The following MLEC variants were observed in gnomAD, a reference collection of about 807,000 sequenced individuals.
The protein encoded by MLEC is malectin, also known as oligosaccharyltransferase complex subunit (non-catalytic).
In MLEC, 7 loss-of-function variants were observed where a neutral mutation model predicts 28.7. The observed-to-expected ratio is 0.24, with a 90% CI of 0.14 to 0.46. The LOEUF is 0.46. Among genes scored for constraint, MLEC ranks in the 20% least tolerant of loss-of-function variants. The probability of loss-of-function intolerance (pLI) is 0.99; values close to 1 mark genes in which losing one functional copy is unlikely to be tolerated. For missense variants in MLEC, 237 were observed against 391.1 expected, an observed-to-expected ratio of 0.61 and a Z score of 3.32; for synonymous variants, 142 against 164.4, an observed-to-expected ratio of 0.86 and a Z score of 1.04.
rs202060823 is a variant in MLEC at position 120,695,484 on chromosome 12, CTGTT to C, written c.649+339_649+342del. Among the ~76,000 whole-genome samples, 1,266 of 152,218 alleles carry C rather than the reference CTGTT, an allele frequency of 8.3e-3. 25 individuals are homozygous for C. The highest frequency in any genetic ancestry group is 8.6e-3 in the Non-Finnish European group (587 of 68,010). On this transcript the variant is annotated intron_variant, in intron 4 of 4. Transcript: ENST00000228506. The stretch of plus-strand genomic sequence containing the variant: ...GGATCACCTAAAACTTGTCCTTATT[CTGTT>C]TGTTTGACATCTCTTTCCTAGGGGA...
intron 1 of MLEC, among the ~76,000 whole-genome samples, chr12:120,691,003 T>G (rs1882016165): frequency 6.6e-6 from 1 of 152,142 alleles, no homozygotes; most frequent in African/African-American, 2.4e-5. Flanking sequence ...GAGAAAGAAG[T>G]GATCCAGAAG....
chr12:120,688,871 TTAGCAGC>T (rs1881929785), intron 1 of MLEC, among the ~76,000 whole-genome samples: 1 of 152,218 alleles, frequency 6.6e-6, no homozygotes. Flanking sequence ...GCTCCAGTCT[TTAGCAGC>T]GGTAACAGCA....
chr12:120,700,424 A>G lies in MLEC; in HGVS notation c.*3879A>G, dbSNP rs1882400680. The G allele has an allele frequency of 6.6e-6, 1 of 152,474 alleles. No homozygotes were observed. Among genetic ancestry groups the G allele is most frequent in the Admixed American group, 6.6e-5 (1 of 15,262 alleles). The allele number at this position is 152,474 out of a possible 1,614,324, so 9.4% of individuals were successfully genotyped here. ...ACCTAGGAGAGTAGGTGAGCTTTCC[A>G]AAGTGAGAGACGAATCTTTCTTTCT... On this transcript the variant is annotated 3_prime_UTR_variant, in exon 5 of 5. Transcript: ENST00000228506. The surrounding 1 kb of genome is among the most constrained non-coding windows in gnomAD (Gnocchi z 4.0).
In MLEC at chr12:120,694,058, C is replaced by T. The variant is rs1370504754; in HGVS notation, c.236-33C>T. 1.9e-6 allele frequency: 3 copies of T among 1,595,448 alleles called. No homozygotes were observed. Among genetic ancestry groups the T allele is most frequent in the Middle Eastern group, 3.4e-4 (2 of 5,930 alleles). Reference sequence around the variant, plus strand: ...TTTGCTTTTCTTTTGTGTCTTGCCTCTGATGTGCTTTCTCTTTGTCTTTTG... The same window carrying T: ...TTTGCTTTTCTTTTGTGTCTTGCCTTTGATGTGCTTTCTCTTTGTCTTTTG... On this transcript the variant is annotated intron_variant, in intron 1 of 4. Coordinates refer to ENST00000228506, the MANE Select transcript of MLEC (RefSeq NM_014730.4). The surrounding 1 kb of genome is among the most constrained non-coding windows in gnomAD (Gnocchi z 4.5).
intron 1 of MLEC, among the ~76,000 whole-genome samples, chr12:120,688,382 G>A (rs966886334): frequency 6.6e-6 from 1 of 152,244 alleles, no homozygotes; most frequent in Non-Finnish European, 1.5e-5. Flanking sequence ...ATTGATTATA[G>A]TAGATTGAGC....
intron 4 of MLEC, among the ~76,000 whole-genome samples, chr12:120,695,428 A>C (rs531557959): frequency 6.6e-6 from 1 of 152,172 alleles, no homozygotes; most frequent in Non-Finnish European, 1.5e-5. Context: ...AATGGTACCT[A>C]TTGGTGTACC....
Position 120,694,161 on chromosome 12 carries a change from G to A in MLEC, c.306G>A (p.Glu102=). Residue 102 remains glutamate (E), a synonymous_variant, in exon 2 of 5, where the codon GAG becomes GAA. Transcript: ENST00000228506. The surrounding 1 kb of genome is among the most constrained non-coding windows in gnomAD (Gnocchi z 4.5). ...NPEDQILYQT[E]RYNEETFGYE... ...AGGACCAGATCCTGTATCAAACTGA[G>A]CGGTACAATGAGGAGACCTTTGGCT... 6.2e-7 allele frequency: 1 copy of A among 1,614,180 alleles called. No homozygotes were observed. Among genetic ancestry groups the A allele is most frequent in the Non-Finnish European group, 8.5e-7 (1 of 1,180,042 alleles).
chr12:120,698,295 G>A lies in MLEC; in HGVS notation c.*1750G>A, dbSNP rs1882313712. On this transcript the variant is annotated 3_prime_UTR_variant, in exon 5 of 5. Transcript: ENST00000228506. ...GGTAGCTCTTGGGCTCATGTCCTGG[G>A]TTTTGGCTCTTTAATGATTACTCCA... The A allele has an allele frequency of 6.6e-6, 1 of 152,226 alleles. No homozygotes were observed. The highest frequency in any genetic ancestry group is 1.5e-5 in the Non-Finnish European group (1 of 68,052). The allele number at this position is 152,226 out of a possible 1,614,324, so 9.4% of individuals were successfully genotyped here.
Position 120,687,303 on chromosome 12 carries a change from G to A in MLEC, c.7G>A (p.Gly3Arg). 1 of 1,392,872 alleles carries A rather than the reference G, an allele frequency of 7.2e-7. No individual in the cohort carries two copies. 86.3% of individuals were successfully genotyped at this position (1,392,872 alleles called of 1,614,324 possible). Residue 3 changes from glycine (G) to arginine (R), a missense_variant, in exon 1 of 5, where the codon GGA becomes AGA. Transcript: ENST00000228506. This position sits in a 1 kb window ranked among gnomAD's most constrained non-coding sequence, Gnocchi z 8.1. Reference protein sequence around the residue: MLGAWAVEGTAVA... With the variant: MLRAWAVEGTAVA... ...CCCCGTGGTGGTGGCCGCCATGCTGGGAGCCTGGGCGGTTGAGGGAACCGC... is the reference window on the plus strand; with the variant it reads ...CCCCGTGGTGGTGGCCGCCATGCTGAGAGCCTGGGCGGTTGAGGGAACCGC...
rs1043534098 is a variant in MLEC, at chr12:120,694,698, T to G, written c.415-126T>G. 10 of 924,682 alleles carry G rather than the reference T, an allele frequency of 1.1e-5. No individual in the cohort carries two copies. Among genetic ancestry groups the G allele is most frequent in the Non-Finnish European group, 1.6e-5 (10 of 606,128 alleles). The allele number at this position is 924,682 out of a possible 1,614,324, so 57.3% of individuals were successfully genotyped here. ...GGTTAAGGATGCTAACCACCCTGGA[T>G]ATCCAGACCCATCATTTCTTAAATT... On this transcript the variant is annotated intron_variant, in intron 2 of 4. Transcript: ENST00000228506. The surrounding 1 kb of genome is among the most constrained non-coding windows in gnomAD (Gnocchi z 4.5).
In MLEC at chr12:120,697,355, C is replaced by T. The variant is rs529699237; in HGVS notation, c.*810C>T. 6.5e-6 allele frequency: 1 copy of T among 152,676 alleles called. No homozygotes were observed. Among genetic ancestry groups the T allele is most frequent in the Non-Finnish European group, 1.5e-5 (1 of 68,066 alleles). The allele number at this position is 152,676 out of a possible 1,614,324, so 9.5% of individuals were successfully genotyped here. On this transcript the variant is annotated 3_prime_UTR_variant, in exon 5 of 5. Coordinates refer to ENST00000228506, the MANE Select transcript of MLEC (RefSeq NM_014730.4). The surrounding 1 kb of genome is among the most constrained non-coding windows in gnomAD (Gnocchi z 4.8). Reference sequence around the variant, plus strand: ...TAATCTGGCTCATTTGAAATTTCTTCTCCCTCTCAACCATCCCACTAAGTT... The same window carrying T: ...TAATCTGGCTCATTTGAAATTTCTTTTCCCTCTCAACCATCCCACTAAGTT...
In MLEC at chr12:120,698,541, C is replaced by G. The variant is rs183594311; in HGVS notation, c.*1996C>G. The G allele has an allele frequency of 1.1e-4, 17 of 152,398 alleles. No individual in the cohort carries two copies. In the East Asian group the frequency reaches 3.3e-3, roughly 29 times the overall value. The allele number at this position is 152,398 out of a possible 1,614,324, so 9.4% of individuals were successfully genotyped here. On this transcript the variant is annotated 3_prime_UTR_variant, in exon 5 of 5. Coordinates refer to ENST00000228506, the MANE Select transcript of MLEC (RefSeq NM_014730.4). The stretch of plus-strand genomic sequence containing the variant: ...CTGCCTGGGGCAGTGGACATCCTAA[C>G]TAAACAGGCTTCTGGCAGTAGCTTT...
Position 120,694,687 on chromosome 12 carries a change from A to T in MLEC, c.415-137A>T. On this transcript the variant is annotated intron_variant, in intron 2 of 4. Coordinates refer to ENST00000228506, the MANE Select transcript of MLEC (RefSeq NM_014730.4). The surrounding 1 kb of genome is among the most constrained non-coding windows in gnomAD (Gnocchi z 4.5). ...GATTTGACCCGGGTTAAGGATGCTA[A>T]CCACCCTGGATATCCAGACCCATCA... 1 of 845,932 alleles carries T rather than the reference A, an allele frequency of 1.2e-6. No homozygotes were observed. Among genetic ancestry groups the T allele is most frequent in the East Asian group, 2.6e-5 (1 of 38,536 alleles). The allele number at this position is 845,932 out of a possible 1,614,324, so 52.4% of individuals were successfully genotyped here. A position where few individuals can be genotyped will look rare whatever the true frequency, so the allele number is the denominator to read the frequency against.
At chr12:120,691,095 A>G (rs530521533) in intron 1 of MLEC, among the ~76,000 whole-genome samples, 1 of 152,366 alleles carries the variant, frequency 6.6e-6, no homozygotes, top group South Asian at 2.1e-4. Context: ...CTGTGTTCTC[A>G]TGGAGGACAG....
Position 120,687,251 on chromosome 12 carries a change from C to T in MLEC, c.-46C>T. 1 of 1,357,710 alleles carries T rather than the reference C, an allele frequency of 7.4e-7. No homozygotes were observed. The highest frequency in any genetic ancestry group is 9.4e-7 in the Non-Finnish European group (1 of 1,061,250). 84.1% of individuals were successfully genotyped at this position (1,357,710 alleles called of 1,614,324 possible). On this transcript the variant is annotated 5_prime_UTR_variant, in exon 1 of 5. Transcript: ENST00000228506. This position sits in a 1 kb window ranked among gnomAD's most constrained non-coding sequence, Gnocchi z 8.1. ...GAGTCCGGGGTGGCCTGGCAGCCGGCCGAGGACGAGGGTCGGCGGGGGCTG... is the reference window on the plus strand; with the variant it reads ...GAGTCCGGGGTGGCCTGGCAGCCGGTCGAGGACGAGGGTCGGCGGGGGCTG...
Position 120,694,365 on chromosome 12 carries a change from A to G in MLEC, c.414+96A>G. 7.6e-7 allele frequency: 1 copy of G among 1,314,942 alleles called. No homozygotes were observed. Among genetic ancestry groups the G allele is most frequent in the Non-Finnish European group, 1.1e-6 (1 of 947,142 alleles). The allele number at this position is 1,314,942 out of a possible 1,614,324, so 81.5% of individuals were successfully genotyped here. A position where few individuals can be genotyped will look rare whatever the true frequency, so the allele number is the denominator to read the frequency against. ...CTAGAGAGTGTGAGAGTCTCTCCAG[A>G]AAGGCAGAACAGATGAGCTCTAGAG... On this transcript the variant is annotated intron_variant, in intron 2 of 4. Coordinates refer to ENST00000228506, the MANE Select transcript of MLEC (RefSeq NM_014730.4). This position sits in a 1 kb window ranked among gnomAD's most constrained non-coding sequence, Gnocchi z 4.5.
chr12:120,687,208 C>G lies in MLEC; in HGVS notation c.-89C>G. 7.8e-7 allele frequency: 1 copy of G among 1,288,732 alleles called. No individual in the cohort carries two copies. Among genetic ancestry groups the G allele is most frequent in the East Asian group, 3.2e-5 (1 of 31,286 alleles). 79.8% of individuals were successfully genotyped at this position (1,288,732 alleles called of 1,614,324 possible). A position where few individuals can be genotyped will look rare whatever the true frequency, so the allele number is the denominator to read the frequency against. ...TCCCCGGCGGCTCAGGCGGAGCGGC[C>G]CGTGGCGCTGTTTTTCTGAGTCCGG... On this transcript the variant is annotated 5_prime_UTR_variant, in exon 1 of 5. Transcript: ENST00000228506. This position sits in a 1 kb window ranked among gnomAD's most constrained non-coding sequence, Gnocchi z 8.1.
In MLEC at chr12:120,696,570, G is replaced by A; in HGVS notation, c.*25G>A. 15 of 1,607,934 alleles carry A rather than the reference G, an allele frequency of 9.3e-6. No homozygotes were observed. Among genetic ancestry groups the A allele is most frequent in the Non-Finnish European group, 1.3e-5 (15 of 1,176,524 alleles). On this transcript the variant is annotated 3_prime_UTR_variant, in exon 5 of 5. Coordinates refer to ENST00000228506, the MANE Select transcript of MLEC (RefSeq NM_014730.4). The surrounding 1 kb of genome is among the most constrained non-coding windows in gnomAD (Gnocchi z 5.4). ...AGAACAAATGACTATCCTGAACAGGGTGGAGGGGTGTGGGAAAGAAACCAG... is the reference window on the plus strand; with the variant it reads ...AGAACAAATGACTATCCTGAACAGGATGGAGGGGTGTGGGAAAGAAACCAG...
chr12:120,688,392 C>T (rs927119091), intron 1 of MLEC, among the ~76,000 whole-genome samples: 10 of 152,184 alleles, frequency 6.6e-5, no homozygotes, highest in Non-Finnish European at 1.0e-4. Flanking sequence ...GTAGATTGAG[C>T]TTTTTTGCTG....
Sources: gnomAD v4.1 joint callset for allele counts (sites outside exome capture counted in the v4.1 genomes callset) on GRCh38, gnomAD v4.1.1 for gene constraint, Gnocchi (gnomAD v3.1) non-coding constraint, MANE v1.5 for transcripts, NCBI Gene and HGNC (gene_info 2026-07-23, HGNC 2026-07-21) for gene names.